SLC24A3: variants seen among roughly 807,000 people sequenced by gnomAD.
The protein encoded by SLC24A3 is solute carrier family 24 member 3, also known as sodium/potassium/calcium exchanger 3.
Under a neutral mutation model 75.8 loss-of-function variants are expected in SLC24A3, and 28 were observed. The observed-to-expected ratio is 0.37, with a 90% CI of 0.27 to 0.51. The LOEUF is 0.51. Ranked by LOEUF, SLC24A3 falls within the 20% of genes least tolerant of loss-of-function variation. The pLI is 0.94. For missense variants in SLC24A3, 663 were observed against 847.8 expected, an observed-to-expected ratio of 0.78 and a Z score of 2.71; for synonymous variants, 372 against 334.1, an observed-to-expected ratio of 1.11 and a Z score of -1.24.
chr20:19,598,732 C>T (rs112179093), intron 6 of SLC24A3, among the ~76,000 whole-genome samples: 104 of 152,208 alleles, frequency 6.8e-4, no homozygotes, highest in African/African-American at 2.1e-3. Context: ...CCCTGCCCTT[C>T]GTCATTTTAA....
rs758556253 is a variant in SLC24A3 at position 19,684,288 on chromosome 20, T to G, written c.1014T>G (p.Phe338Leu). ...AGLRIMITSH[F>L]PPKTRLSMAS... ...TTCGAATCATGATAACCAGCCACTT[T>G]CCCCCCAAGACCCGGCTCTCCATGG... Residue 338 changes from phenylalanine (F) to leucine (L), a missense_variant, in exon 11 of 17, where the codon TTT (phenylalanine) becomes TTG (leucine). Physicochemically the swap from Phe to Leu is conservative, Grantham distance 22. Coordinates refer to ENST00000328041, the MANE Select transcript of SLC24A3 (RefSeq NM_020689.4). 6.2e-7 allele frequency: 1 copy of G among 1,613,696 alleles called. No homozygotes were observed. Among genetic ancestry groups the G allele is most frequent in the African/African-American group, 1.3e-5 (1 of 74,766 alleles).
chr20:19,576,386 T>TA (rs2031134907), intron 3 of SLC24A3, among the ~76,000 whole-genome samples: 1 of 152,210 alleles, frequency 6.6e-6, no homozygotes, highest in Admixed American at 6.5e-5. Flanking sequence ...TCCTTTGTTC[T>TA]CTTTGCTTGT....
At chr20:19,379,550 A>G (rs1986146613) in intron 2 of SLC24A3, among the ~76,000 whole-genome samples, 1 of 152,152 alleles carries the variant, frequency 6.6e-6, no homozygotes, top group South Asian at 2.1e-4. Flanking sequence ...GATCCTGGGG[A>G]AGGACTGTCC....
At chr20:19,229,027 T>C (rs931162226) in intron 1 of SLC24A3, among the ~76,000 whole-genome samples, 2 of 152,218 alleles carry the variant, frequency 1.3e-5, no homozygotes, top group African/African-American at 4.8e-5. Flanking sequence ...GCTGCCTGCC[T>C]TACAGTCTTC....
chr20:19,274,198 G>A (rs1396032071), intron 1 of SLC24A3, among the ~76,000 whole-genome samples: 7 of 151,198 alleles, frequency 4.6e-5, no homozygotes, highest in African/African-American at 1.2e-4. Context: ...GATTGCCGCC[G>A]CTGAGTTGGG....
chr20:19,664,747 C>T (rs1192796739), intron 7 of SLC24A3, among the ~76,000 whole-genome samples: 1 of 152,184 alleles, frequency 6.6e-6, no homozygotes, highest in African/African-American at 2.4e-5. Flanking sequence ...CGCTCTGAGA[C>T]GACCATACTC....
intron 15 of SLC24A3, among the ~76,000 whole-genome samples, chr20:19,708,470 T>C (rs2032952737): frequency 6.6e-6 from 1 of 152,178 alleles, no homozygotes; most frequent in African/African-American, 2.4e-5. Flanking sequence ...CTCCCTCTGC[T>C]AGAACCAGTC....
intron 2 of SLC24A3, among the ~76,000 whole-genome samples, chr20:19,413,053 A>G (rs567909290): frequency 7.2e-5 from 11 of 152,288 alleles, no homozygotes; most frequent in East Asian, 1.9e-4. Context: ...CTGATGCTCA[A>G]CTGGGACACT....
At chr20:19,479,991 T>C (rs1988027027) in intron 2 of SLC24A3, among the ~76,000 whole-genome samples, 1 of 152,218 alleles carries the variant, frequency 6.6e-6, no homozygotes, top group African/African-American at 2.4e-5. Flanking sequence ...AGTCCTTCCC[T>C]CTATCAAAAG....
intron 1 of SLC24A3, among the ~76,000 whole-genome samples, chr20:19,252,223 T>A (rs1234104733): frequency 6.6e-6 from 1 of 152,186 alleles, no homozygotes; most frequent in African/African-American, 2.4e-5. Flanking sequence ...GAGCAAATGT[T>A]ACCCCAGACA....
intron 6 of SLC24A3, among the ~76,000 whole-genome samples, chr20:19,589,846 A>G (rs1232757129): frequency 3.3e-5 from 5 of 152,166 alleles, no homozygotes; most frequent in African/African-American, 1.2e-4. Context: ...TGGGGGATTC[A>G]GTATTCCCCA....
chr20:19,543,805 A>T (rs139195833), intron 3 of SLC24A3, among the ~76,000 whole-genome samples: 286 of 152,280 alleles, frequency 1.9e-3, no homozygotes, highest in African/African-American at 5.9e-3. Flanking sequence ...GGATAGCAAA[A>T]CTCTGAACAC....
At chr20:19,401,955 T>TACCTCCTACTGG (rs1228864543) in intron 2 of SLC24A3, among the ~76,000 whole-genome samples, 1 of 152,232 alleles carries the variant, frequency 6.6e-6, no homozygotes, top group African/African-American at 2.4e-5. Flanking sequence ...CTCATTTCTC[T>TACCTCCTACTGG]ACCTCCTACT....
intron 2 of SLC24A3, among the ~76,000 whole-genome samples, chr20:19,345,839 G>T (rs1330522843): frequency 6.6e-6 from 1 of 151,636 alleles, no homozygotes; most frequent in African/African-American, 2.4e-5. Context: ...ACGGTTGGTG[G>T]GAAGGTAAAA....
intron 1 of SLC24A3, among the ~76,000 whole-genome samples, chr20:19,254,214 G>A (rs1029529440): frequency 6.8e-6 from 1 of 146,760 alleles, no homozygotes; most frequent in Non-Finnish European, 1.5e-5. Flanking sequence ...TTGCCCAGGC[G>A]GCCATCTACT....
In SLC24A3 at chr20:19,508,843, C is replaced by T. The variant is rs8126423; in HGVS notation, c.272-6645C>T. Among the ~76,000 whole-genome samples, 399 of 152,374 alleles carry T rather than the reference C, an allele frequency of 2.6e-3. 1 individual carries two copies. The highest frequency in any genetic ancestry group is 9.1e-3 in the African/African-American group (380 of 41,598). On this transcript the variant is annotated intron_variant, in intron 2 of 16. Coordinates refer to ENST00000328041, the MANE Select transcript of SLC24A3 (RefSeq NM_020689.4). ...TCCCTGCATAGGTAGCTGCTGTTAACAGGCCATGTGGGCCATGTGGCCCCA... is the reference window on the plus strand; with the variant it reads ...TCCCTGCATAGGTAGCTGCTGTTAATAGGCCATGTGGGCCATGTGGCCCCA...
chr20:19,291,977 G>A (rs1250556774), intron 2 of SLC24A3, among the ~76,000 whole-genome samples: 1 of 152,220 alleles, frequency 6.6e-6, no homozygotes, highest in Admixed American at 6.5e-5. Context: ...TTGGGGTCAT[G>A]AGGGAACCTT....
chr20:19,714,062 A>T (rs1032350074), intron 15 of SLC24A3, among the ~76,000 whole-genome samples: 2 of 152,216 alleles, frequency 1.3e-5, no homozygotes, highest in African/African-American at 4.8e-5. Context: ...ATAGCCATTG[A>T]TGATACATAA....
chr20:19,657,797 T>C (rs936549790), intron 7 of SLC24A3, among the ~76,000 whole-genome samples: 1 of 152,310 alleles, frequency 6.6e-6, no homozygotes, highest in East Asian at 1.9e-4. Context: ...GTCTTTTTTC[T>C]TCTTCTCCTC....
Sources: allele counts gnomAD v4.1 joint callset (sites outside exome capture counted in the v4.1 genomes callset), GRCh38; gene constraint gnomAD v4.1.1; transcripts MANE v1.5; gene names NCBI Gene and HGNC (gene_info 2026-07-23, HGNC 2026-07-21).